PCDHGA6: variants seen among roughly 807,000 people sequenced by gnomAD.
PCDHGA6 encodes protocadherin gamma subfamily A, 6.
PCDHGA6 carries 41 observed loss-of-function variants against 60.6 expected under a neutral mutation model. The ratio of observed to expected loss-of-function variants is 0.68; its 90% CI spans 0.53 to 0.88. The LOEUF is 0.88. Ranked by LOEUF, PCDHGA6 falls within the 40% of genes least tolerant of loss-of-function variation. PCDHGA6 has a pLI of 0.00. For missense variants in PCDHGA6, 1,312 were observed against 1,203.0 expected, an observed-to-expected ratio of 1.09 and a Z score of -1.34; for synonymous variants, 594 against 524.4, an observed-to-expected ratio of 1.13 and a Z score of -1.81.
intron 1 of PCDHGA6, among the ~76,000 whole-genome samples, chr5:141,459,059 A>G (rs1219921155): frequency 2.6e-5 from 4 of 152,228 alleles, no homozygotes; most frequent in African/African-American, 4.8e-5. Context: ...AGTATAATTT[A>G]TATAACATAA....
intron 1 of PCDHGA6, among the ~76,000 whole-genome samples, chr5:141,425,603 A>G (rs2096884807): frequency 6.6e-6 from 1 of 152,218 alleles, no homozygotes; most frequent in Non-Finnish European, 1.5e-5. Context: ...TATGCCCTAT[A>G]TAGCTTTCAG....
rs539072548 is a variant in PCDHGA6 at position 141,421,546 on chromosome 5, A to G, written c.2424+45039A>G. 4.3e-6 allele frequency: 7 copies of G among 1,613,896 alleles called. No homozygotes were observed. The South Asian group carries it at 4.4e-5, about 10-fold the overall frequency. ...GACGGTGTCCTCCTGTTTTTTAAAT[A>G]TGGAACTTCTCGTGGAAGACACCTT... On this transcript the variant is annotated intron_variant, in intron 1 of 3. Transcript: ENST00000517434.
At chr5:141,383,347 G>T in intron 1 of PCDHGA6, 1 of 1,614,012 alleles carries the variant, frequency 6.2e-7, no homozygotes, top group South Asian at 1.1e-5. Flanking sequence ...AGCTCCTGGG[G>T]TTCGGTTTCC....
chr5:141,433,091 A>G (rs1344906248), intron 1 of PCDHGA6: 2 of 1,614,182 alleles, frequency 1.2e-6, no homozygotes, highest in African/African-American at 1.3e-5. Flanking sequence ...CTATGCAGAC[A>G]TGCTCGTCAG....
chr5:141,387,752 GGAAAAAGAAGAATTTTTTCTT>G, intron 1 of PCDHGA6: 1 of 1,398,886 alleles, frequency 7.1e-7, no homozygotes, highest in Non-Finnish European at 9.5e-7. Context: ...CTTCCTCCTC[GGAAAAAGAAGAATTTTTTCTT>G]GAACTGGAAC....
chr5:141,394,444 G>A (rs2093001580), intron 1 of PCDHGA6: 1 of 1,614,228 alleles, frequency 6.2e-7, no homozygotes, highest in Non-Finnish European at 8.5e-7. Context: ...CCCCTCAGCA[G>A]CAACATGTCA....
chr5:141,408,316 G>A (rs1407149479), intron 1 of PCDHGA6: 3 of 1,613,750 alleles, frequency 1.9e-6, no homozygotes, highest in African/African-American at 1.3e-5. Context: ...ACTCGATTCC[G>A]GAGGAGCTGG....
At chr5:141,388,875 G>C in intron 1 of PCDHGA6, 1 of 1,614,024 alleles carries the variant, frequency 6.2e-7, no homozygotes, top group Non-Finnish European at 8.5e-7. Context: ...GCAATGCACA[G>C]TGGAGGTAGA....
chr5:141,419,316 G>C (rs775328616), intron 1 of PCDHGA6: 2 of 1,613,876 alleles, frequency 1.2e-6, no homozygotes, highest in African/African-American at 1.3e-5. Flanking sequence ...CTCAACGGCC[G>C]TGTCTCCTAC....
At chr5:141,418,433 C>G (rs761824602) in intron 1 of PCDHGA6, 44 of 1,613,938 alleles carry the variant, frequency 2.7e-5, no homozygotes, top group Non-Finnish European at 3.7e-5. Flanking sequence ...TGGCAAATAT[C>G]CAGAATTAGT....
intron 1 of PCDHGA6, among the ~76,000 whole-genome samples, chr5:141,483,522 C>G (rs557644901): frequency 9.3e-6 from 1 of 107,172 alleles, no homozygotes; most frequent in African/African-American, 3.9e-5. Flanking sequence ...TAGATCCTGA[C>G]TAAGGAAGCT....
chr5:141,456,157 A>G (rs1307977690), intron 1 of PCDHGA6, among the ~76,000 whole-genome samples: 3 of 152,052 alleles, frequency 2.0e-5, no homozygotes, highest in Admixed American at 1.3e-4. Context: ...TCGGCCTCCT[A>G]AAGTGCTGGG....
At chr5:141,384,071 C>G in intron 1 of PCDHGA6, 2 of 1,603,192 alleles carry the variant, frequency 1.2e-6, no homozygotes, top group Non-Finnish European at 1.7e-6. Flanking sequence ...GAAAACCTAC[C>G]TTTTAAATTA....
chr5:141,379,889 CTTTTTTTTTTT>C (rs70988800), intron 1 of PCDHGA6, among the ~76,000 whole-genome samples: 218 of 50,846 alleles, frequency 4.3e-3, no homozygotes, highest in African/African-American at 5.5e-3. Flanking sequence ...GTGAAAGCCT[CTTTTTTTTTTT>C]TTTTTTTTTT....
intron 1 of PCDHGA6, among the ~76,000 whole-genome samples, chr5:141,455,393 C>G (rs574741955): frequency 6.4e-4 from 97 of 152,150 alleles, no homozygotes; most frequent in African/African-American, 2.2e-3. Flanking sequence ...GAAGGAGCTC[C>G]CCCTTACAGA....
Position 141,489,268 on chromosome 5 carries a change from G to T in PCDHGA6, c.2425-5539G>T. On this transcript the variant is annotated intron_variant, in intron 1 of 3. Transcript: ENST00000517434. This position sits in a 1 kb window ranked among gnomAD's most constrained non-coding sequence, Gnocchi z 4.5. The stretch of plus-strand genomic sequence containing the variant: ...GGGGCCCAAGACACTCCCACAGCTC[G>T]CTGGGAAATGGCAAGTGCTGTGCAT... The T allele has an allele frequency of 3.9e-6, 6 of 1,553,284 alleles. No homozygotes were observed. The South Asian group carries it at 5.0e-5, about 13-fold the overall frequency.
rs546656566 is a variant in PCDHGA6, at chr5:141,389,499, G to C, written c.2424+12992G>C. 10 of 1,613,058 alleles carry C rather than the reference G, an allele frequency of 6.2e-6. No homozygotes were observed. The African/African-American group carries it at 1.1e-4, about 17-fold the overall frequency. On this transcript the variant is annotated intron_variant, in intron 1 of 3. Coordinates refer to ENST00000517434, the MANE Select transcript of PCDHGA6 (RefSeq NM_018919.3). ...GCAGGCCCGCGACCAGGGCTCGCCA[G>C]CGCTCAGCGCGAACGTGAGCCTGCG... is the stretch of plus-strand genomic sequence containing the variant.
chr5:141,478,637 G>A (rs1227108157), intron 1 of PCDHGA6: 2 of 1,552,684 alleles, frequency 1.3e-6, no homozygotes, highest in Non-Finnish European at 1.7e-6. Context: ...TTTTAGTGAT[G>A]AAGATGTTTT....
chr5:141,492,553 G>C (rs1184580300), intron 1 of PCDHGA6, among the ~76,000 whole-genome samples: 1 of 152,148 alleles, frequency 6.6e-6, no homozygotes, highest in Non-Finnish European at 1.5e-5. Flanking sequence ...CGGGTCGCCT[G>C]GGGGGCGGCC....
Sources: gnomAD v4.1 joint callset for allele counts (sites outside exome capture counted in the v4.1 genomes callset) on GRCh38, gnomAD v4.1.1 for gene constraint, Gnocchi (gnomAD v3.1) non-coding constraint, MANE v1.5 for transcripts, NCBI Gene and HGNC (gene_info 2026-07-23, HGNC 2026-07-21) for gene names.